DOCK9: variants seen among roughly 807,000 people sequenced by gnomAD.
DOCK9 encodes dedicator of cytokinesis protein 9.
A neutral mutation model predicts 263.3 loss-of-function variants in DOCK9; 89 were observed. That is an observed-to-expected ratio of 0.34 (90% CI 0.28 to 0.40). The LOEUF (loss-of-function observed/expected upper bound fraction) is 0.40, where lower values mean the gene tolerates loss of function less well. DOCK9 is among the 10% of genes least tolerant of loss of function. The probability of loss-of-function intolerance (pLI) is 1.00; values close to 1 mark genes in which losing one functional copy is unlikely to be tolerated. For missense variants in DOCK9, 2,140 were observed against 2,603.4 expected (o/e 0.82, Z 3.87); for synonymous variants, 976 against 973.1 (o/e 1.00, Z -0.06).
chr13:99,006,430 T>C (rs1272717256), intron 1 of DOCK9, among the ~76,000 whole-genome samples: 1 of 152,238 alleles, frequency 6.6e-6, no homozygotes, highest in Non-Finnish European at 1.5e-5. Context: ...TCTCGATTTA[T>C]AACAACCTAA....
At chr13:99,046,100 CA>C (rs35917523) in intron 1 of DOCK9, among the ~76,000 whole-genome samples, 119 of 112,060 alleles carry the variant, frequency 1.1e-3, no homozygotes, top group South Asian at 2.7e-3. Flanking sequence ...GACTCAGTCT[CA>C]AAAAAAAAAA....
intron 27 of DOCK9, among the ~76,000 whole-genome samples, chr13:98,869,375 T>C (rs948872135): frequency 2.0e-5 from 3 of 152,228 alleles, no homozygotes; most frequent in Admixed American, 6.5e-5. Context: ...AGAGGTTAGG[T>C]ACATGTGTCC....
At position 98,831,541 on chromosome 13, in the gene DOCK9, T is replaced by G. The variant is rs2092762710; in HGVS notation, c.4453-11A>C. On this transcript the variant is annotated splice_polypyrimidine_tract_variant and intron_variant, in intron 40 of 52. Transcript: ENST00000682017. ...GAATGTTGAGGGAAACTAGACAGGA[T>G]GAGAGGAAGCAGCAGATAAACCACA... 6.3e-7 allele frequency: 1 copy of G among 1,585,638 alleles called. No individual in the cohort carries two copies. Among genetic ancestry groups the G allele is most frequent in the Non-Finnish European group, 8.6e-7 (1 of 1,164,928 alleles).
Position 98,800,366 on chromosome 13 carries a change from C to T in DOCK9, c.5838G>A (p.Glu1946=). The T allele has an allele frequency of 1.2e-6, 2 of 1,613,806 alleles. No homozygotes were observed. Among genetic ancestry groups the T allele is most frequent in the Non-Finnish European group, 1.7e-6 (2 of 1,179,834 alleles). The change falls in exon 50 of 53, where the codon GAG becomes GAA. Residue 1946 remains glutamate (E), a synonymous_variant. Coordinates refer to ENST00000682017, the MANE Select transcript of DOCK9 (RefSeq NM_001366683.2). ...AIDEMSKKVA[E]LRQLCSSAEV... Reference sequence around the variant, plus strand: ...CGGCCGAGGAGCACAGCTGCCGGAGCTCCGCCACCTTCTTACTCATCTCGT... The same window carrying T: ...CGGCCGAGGAGCACAGCTGCCGGAGTTCCGCCACCTTCTTACTCATCTCGT...
Position 98,809,413 on chromosome 13 carries a change from T to G in DOCK9, c.5306A>C (p.Glu1769Ala). 2 of 1,613,540 alleles carry G rather than the reference T, an allele frequency of 1.2e-6. No individual in the cohort carries two copies. Among genetic ancestry groups the G allele is most frequent in the Non-Finnish European group, 1.7e-6 (2 of 1,179,776 alleles). ...AAGCCTGCGGCCCGAGTGCATGACCTCGGTCACTTTGCTGTAGGCCCGGTG... is the reference window on the plus strand; with the variant it reads ...AAGCCTGCGGCCCGAGTGCATGACCGCGGTCACTTTGCTGTAGGCCCGGTG... ...TLHRAYSKVT[E>A]VMHSGRRLLG... Residue 1769 changes from glutamate to alanine, a missense_variant, in exon 47 of 53, where the codon GAG (glutamate) becomes GCG (alanine). Glu to Ala is a moderately radical substitution (Grantham distance 107). Around this residue, in one of 2 missense-constraint regions of DOCK9, gnomAD observed 619 missense variants for 861.8 expected, o/e 0.72. Transcript: ENST00000682017.
chr13:98,837,363 G>T, intron 39 of DOCK9, 131 bp downstream of exon 39: 1 of 624,704 alleles, frequency 1.6e-6, no homozygotes, highest in Non-Finnish European at 2.8e-6. Flanking sequence ...AAGATTAATG[G>T]TTTCCTTACA....
chr13:99,026,546 A>C (rs934514933), intron 1 of DOCK9, among the ~76,000 whole-genome samples: 5 of 152,242 alleles, frequency 3.3e-5, no homozygotes, highest in African/African-American at 1.2e-4. Flanking sequence ...CACTTAAGGG[A>C]AATCTTTTGT....
chr13:99,064,490 A>C (rs942937088), intron 1 of DOCK9, among the ~76,000 whole-genome samples: 3 of 152,174 alleles, frequency 2.0e-5, no homozygotes, highest in Non-Finnish European at 4.4e-5. Context: ...TTTTATTTGG[A>C]AATATGAAAG....
At chr13:98,996,932 A>T (rs1881182407) in intron 1 of DOCK9, among the ~76,000 whole-genome samples, 1 of 152,084 alleles carries the variant, frequency 6.6e-6, no homozygotes, top group Admixed American at 6.5e-5. Flanking sequence ...ATCCAAAGAA[A>T]CTCCTTGCAT....
intron 13 of DOCK9, among the ~76,000 whole-genome samples, chr13:98,899,428 C>T (rs1466640308): frequency 2.6e-5 from 4 of 152,154 alleles, no homozygotes; most frequent in Non-Finnish European, 4.4e-5. Flanking sequence ...CTTTCAGTTG[C>T]AAAACTTTAT....
chr13:99,058,281 C>T (rs888416936), intron 1 of DOCK9, among the ~76,000 whole-genome samples: 6 of 151,918 alleles, frequency 3.9e-5, no homozygotes, highest in African/African-American at 1.5e-4. Context: ...TCTCCTGCCT[C>T]GGCCTCCTGA....
At chr13:99,049,118 A>G (rs1043711578) in intron 1 of DOCK9, among the ~76,000 whole-genome samples, 2 of 152,264 alleles carry the variant, frequency 1.3e-5, no homozygotes, top group African/African-American at 4.8e-5. Flanking sequence ...AGAATCATCA[A>G]TGACTACCCT....
Position 98,850,081 on chromosome 13 carries a change from T to C in DOCK9, c.3979A>G (p.Thr1327Ala). Residue 1327 changes from threonine to alanine, a missense_variant, in exon 36 of 53, where the codon ACA (threonine) becomes GCA (alanine). Thr to Ala is a moderately conservative substitution (Grantham distance 58). Around this residue, in one of 2 missense-constraint regions of DOCK9, gnomAD observed 1,521 missense variants for 1,741.7 expected, o/e 0.87. Coordinates refer to ENST00000682017, the MANE Select transcript of DOCK9 (RefSeq NM_001366683.2). ...GTAAAAAAATCCATAAGTTCAGATG[T>C]TGAAGCCTTGTTCCAATATGTAAAC... ...ALFTYWNKAS[T>A]SELMDFFTIS... is the part of the protein sequence containing the mutation. 13 of 1,559,842 alleles carry C rather than the reference T, an allele frequency of 8.3e-6. No homozygotes were observed. The highest frequency in any genetic ancestry group is 1.1e-5 in the Non-Finnish European group (13 of 1,156,488).
upstream of DOCK9, among the ~76,000 whole-genome samples, chr13:99,087,172 C>T (rs1027422882): frequency 3.2e-4 from 48 of 152,234 alleles, no homozygotes; most frequent in African/African-American, 1.1e-3. Context: ...CTGCTCGGAA[C>T]CTGGCGCGGG....
chr13:98,885,572 C>T, intron 20 of DOCK9, 136 bp downstream of exon 20: 1 of 881,688 alleles, frequency 1.1e-6, no homozygotes, highest in Non-Finnish European at 1.6e-6. Flanking sequence ...GCAACCCAGA[C>T]ATGCTACATA....
intron 1 of DOCK9, among the ~76,000 whole-genome samples, chr13:99,061,129 C>T (rs546963664): frequency 2.6e-5 from 4 of 152,310 alleles, no homozygotes; most frequent in Admixed American, 1.3e-4. Context: ...AAAGTATACT[C>T]TACTGACAGC....
At chr13:98,854,265 A>G (rs1183442859) in intron 34 of DOCK9, among the ~76,000 whole-genome samples, 3 of 152,164 alleles carry the variant, frequency 2.0e-5, no homozygotes, top group Middle Eastern at 3.2e-3. Context: ...GATTGCAAAC[A>G]CAGGAGATTT....
intron 1 of DOCK9, among the ~76,000 whole-genome samples, chr13:98,968,377 T>C (rs1247793083): frequency 6.6e-6 from 1 of 152,102 alleles, no homozygotes; most frequent in Non-Finnish European, 1.5e-5. Context: ...TCCCAGCACT[T>C]TGGGAAGCTG....
intron 1 of DOCK9, among the ~76,000 whole-genome samples, chr13:99,038,296 T>TCC (rs1566338476): frequency 6.4e-5 from 7 of 109,146 alleles, no homozygotes; most frequent in East Asian, 5.4e-4. Flanking sequence ...CCCTTTTTTT[T>TCC]TTTTTTTTTT....
Sources: gnomAD v4.1 joint callset for allele counts (sites outside exome capture counted in the v4.1 genomes callset) on GRCh38, gnomAD v4.1.1 for gene constraint, gnomAD v4.1.1 regional missense constraint, MANE v1.5 for transcripts, NCBI Gene and HGNC (gene_info 2026-07-23, HGNC 2026-07-21) for gene names.